The following PFDN1 variants were observed in gnomAD, a reference collection of about 807,000 sequenced individuals.
The protein encoded by PFDN1 is prefoldin subunit 1.
Under a neutral mutation model 17.3 loss-of-function variants are expected in PFDN1, and 6 were observed. The observed-to-expected ratio is 0.35, with a 90% CI of 0.19 to 0.69. The LOEUF is 0.69. Ranked by LOEUF, PFDN1 falls within the 30% of genes least tolerant of loss-of-function variation. The pLI, the probability that PFDN1 is intolerant of heterozygous loss-of-function variation, is 0.65. For missense variants in PFDN1, 113 were observed against 146.2 expected (o/e 0.77, Z 1.17); for synonymous variants, 58 against 50.1 (o/e 1.16, Z -0.67).
chr5:140,280,767 A>G (rs147513682), intron 3 of PFDN1, among the ~76,000 whole-genome samples: 126 of 152,344 alleles, frequency 8.3e-4, no homozygotes, highest in African/African-American at 3.0e-3. Context: ...GTCCAGTCTA[A>G]CTTTTACTAT....
intron 2 of PFDN1, among the ~76,000 whole-genome samples, chr5:140,285,246 C>G (rs1439931917): frequency 6.6e-6 from 1 of 151,516 alleles, no homozygotes; most frequent in Non-Finnish European, 1.5e-5. Flanking sequence ...AAGAATGAGC[C>G]TATCTTCAGG....
intron 2 of PFDN1, among the ~76,000 whole-genome samples, chr5:140,282,472 G>A (rs1765425251): frequency 6.6e-6 from 1 of 150,734 alleles, no homozygotes; most frequent in African/African-American, 2.4e-5. Context: ...CACTGTGTTA[G>A]GATCAATGCA....
At chr5:140,280,007 A>C (rs1470406583) in intron 3 of PFDN1, among the ~76,000 whole-genome samples, 3 of 143,496 alleles carry the variant, frequency 2.1e-5, no homozygotes, top group Admixed American at 6.8e-5. Flanking sequence ...AAAAAAAAAA[A>C]AAAAAACAAA....
At chr5:140,296,309 C>T (rs1765652634) in intron 2 of PFDN1, among the ~76,000 whole-genome samples, 1 of 152,056 alleles carries the variant, frequency 6.6e-6, no homozygotes, top group Non-Finnish European at 1.5e-5. Flanking sequence ...CAAATCAATA[C>T]ACATTTAATA....
intron 3 of PFDN1, among the ~76,000 whole-genome samples, chr5:140,280,115 TA>T (rs1270886180): frequency 6.6e-6 from 1 of 151,822 alleles, no homozygotes. Context: ...AACAATTTAA[TA>T]TATATCCTTA....
chr5:140,281,148 T>G, intron 3 of PFDN1: 1 of 221,064 alleles, frequency 4.5e-6, no homozygotes, highest in Non-Finnish European at 8.9e-6. Context: ...ATTTTGTTTA[T>G]GGTTTTGTTT....
Position 140,265,501 on chromosome 5 carries a change from C to T in PFDN1, c.285+15948G>A, listed in dbSNP as rs190421468. ...ATTTTATTTCGCTAGTCCAGAGTTC[C>T]AGATTCATATATCCAACTGTCTATT... On this transcript the variant is annotated intron_variant, in intron 3 of 3. Transcript: ENST00000261813. Among the ~76,000 whole-genome samples, 57 of 152,222 alleles carry T rather than the reference C, an allele frequency of 3.7e-4. No homozygotes were observed. The East Asian group carries it at 0.011, about 29-fold the overall frequency.
At position 140,246,028 on chromosome 5, in the gene PFDN1, A is replaced by C; in HGVS notation, c.315T>G (p.Val105=). The change falls in exon 4 of 4, where the codon GTT becomes GTG. Residue 105 remains valine (V), a synonymous_variant. Transcript: ENST00000261813. The part of the protein sequence containing the change: ...EQKKSYLERS[V]KEAEDNIREM... ...CCCGGATGTTGTCCTCAGCTTCCTTAACGCTTCGCTCCAGGTAGGACTTTT... is the reference window on the plus strand; with the variant it reads ...CCCGGATGTTGTCCTCAGCTTCCTTCACGCTTCGCTCCAGGTAGGACTTTT... The C allele has an allele frequency of 6.4e-7, 1 of 1,562,466 alleles. No homozygotes were observed.
chr5:140,295,621 A>T (rs140687479), intron 2 of PFDN1, among the ~76,000 whole-genome samples: 1 of 152,302 alleles, frequency 6.6e-6, no homozygotes, highest in African/African-American at 2.4e-5. Context: ...GAGAACTAAA[A>T]TGTGCTGGCA....
intron 3 of PFDN1, chr5:140,265,849 A>G (rs1390390173): frequency 3.3e-5 from 5 of 152,242 alleles, no homozygotes; most frequent in African/African-American, 4.8e-5. Context: ...AGAAAAAGTG[A>G]GTAGAAGCAA....
intron 3 of PFDN1, among the ~76,000 whole-genome samples, chr5:140,260,516 C>T (rs1765049568): frequency 6.6e-6 from 1 of 151,082 alleles, no homozygotes; most frequent in Non-Finnish European, 1.5e-5. Context: ...GACATAAAAA[C>T]GAGAGAAGTA....
At chr5:140,246,556 C>T (rs929078185) in intron 3 of PFDN1, among the ~76,000 whole-genome samples, 1 of 152,210 alleles carries the variant, frequency 6.6e-6, no homozygotes, top group Non-Finnish European at 1.5e-5. Flanking sequence ...TGTCTCGCAT[C>T]GCACTGAGTG....
At chr5:140,270,398 G>A (rs1334550573) in intron 3 of PFDN1, among the ~76,000 whole-genome samples, 4 of 152,036 alleles carry the variant, frequency 2.6e-5, no homozygotes, top group Non-Finnish European at 5.9e-5. Context: ...ATTCCAAGGA[G>A]AGCAACAAGG....
intron 3 of PFDN1, among the ~76,000 whole-genome samples, chr5:140,246,588 C>A (rs1452659803): frequency 6.6e-6 from 1 of 152,164 alleles, no homozygotes; most frequent in Non-Finnish European, 1.5e-5. Flanking sequence ...AGGCAATCTG[C>A]TTTTCTAATG....
intron 3 of PFDN1, among the ~76,000 whole-genome samples, chr5:140,275,319 G>C (rs535974952): frequency 1.3e-5 from 2 of 150,762 alleles, no homozygotes; most frequent in East Asian, 3.9e-4. Flanking sequence ...TGAAGCAGGA[G>C]AATGGTGTGA....
At chr5:140,246,324 G>C (rs1764829131) in intron 3 of PFDN1, among the ~76,000 whole-genome samples, 1 of 152,168 alleles carries the variant, frequency 6.6e-6, no homozygotes, top group Non-Finnish European at 1.5e-5. Flanking sequence ...TCCCCCAGAA[G>C]GAAGAAGACT....
At chr5:140,285,624 A>G (rs181383785) in intron 2 of PFDN1, among the ~76,000 whole-genome samples, 8 of 152,200 alleles carry the variant, frequency 5.3e-5, no homozygotes, top group Admixed American at 3.3e-4. Flanking sequence ...GATACCCTGA[A>G]CACTCCTGAT....
At chr5:140,293,021 CTA>C (rs1301023295) in intron 2 of PFDN1, 1 of 152,006 alleles carries the variant, frequency 6.6e-6, no homozygotes, top group Admixed American at 6.6e-5. Flanking sequence ...TAACTTTGCA[CTA>C]TGAGATAAGT....
chr5:140,256,658 C>CAAAAA lies in PFDN1; in HGVS notation c.286-10606_286-10602dup, dbSNP rs757723797. ...GCTCAATGTAAAAAACAAAAAATGA[C>CAAAAA]AAAAAAAAAAAAAAAAAAAAAAAAG... On this transcript the variant is annotated intron_variant, in intron 3 of 3. Transcript: ENST00000261813. Among the ~76,000 whole-genome samples the CAAAAA allele has an allele frequency of 2.0e-3, 80 of 39,858 alleles. 5 individuals carry two copies. Among genetic ancestry groups the CAAAAA allele is most frequent in the African/African-American group, 3.1e-3 (44 of 14,036 alleles). 26.1% of individuals were successfully genotyped at this position (39,858 alleles called of 152,430 possible).
Sources: gnomAD v4.1 joint callset for allele counts (sites outside exome capture counted in the v4.1 genomes callset) on GRCh38, gnomAD v4.1.1 for gene constraint, MANE v1.5 for transcripts, NCBI Gene and HGNC (gene_info 2026-07-23, HGNC 2026-07-21) for gene names.